Variants in NXN observed in about 807,000 individuals in gnomAD.
The protein encoded by NXN is nucleoredoxin, also known as nucleoredoxin 1.
NXN carries 16 observed loss-of-function variants against 48.6 expected under a neutral mutation model. That is an observed-to-expected ratio of 0.33 (90% CI 0.22 to 0.50). The LOEUF is 0.50. Among genes scored for constraint, NXN ranks in the 20% least tolerant of loss-of-function variants. The pLI is 0.98. For synonymous variants in NXN, 281 were observed against 269.6 expected (o/e 1.04, Z -0.41); for missense variants, 492 against 605.5 (o/e 0.81, Z 1.97).
At chr17:955,765 G>C (rs1333210127) in intron 1 of NXN, among the ~76,000 whole-genome samples, 4 of 152,060 alleles carry the variant, frequency 2.6e-5, no homozygotes, top group Non-Finnish European at 5.9e-5. Context: ...AGCCGGGCGT[G>C]GTGGCGGGCG....
chr17:824,658 G>T (rs951830837), intron 2 of NXN, among the ~76,000 whole-genome samples: 2 of 152,168 alleles, frequency 1.3e-5, no homozygotes, highest in African/African-American at 4.8e-5. Flanking sequence ...ATGGGCTCAG[G>T]GAGCCAAGTG....
At chr17:955,416 C>T (rs187964168) in intron 1 of NXN, among the ~76,000 whole-genome samples, 169 of 151,032 alleles carry the variant, frequency 1.1e-3, no homozygotes, top group African/African-American at 3.8e-3. Flanking sequence ...GTGATCCACC[C>T]GCCTCGGCCT....
chr17:863,992 T>A, intron 1 of NXN: 9 of 1,535,310 alleles, frequency 5.9e-6, no homozygotes, highest in Non-Finnish European at 7.8e-6. Context: ...CATTGCTCAG[T>A]TTCGGTGAAA....
At chr17:880,139 A>G (rs894483664) in intron 1 of NXN, 2 of 152,124 alleles carry the variant, frequency 1.3e-5, no homozygotes, top group African/African-American at 4.8e-5. Flanking sequence ...CAGTGAAGGG[A>G]AAAAAGGTCT....
rs758707319 is a variant in NXN, at chr17:979,429, G to T, written c.250C>A (p.Arg84=). Residue 84 remains arginine (R), a synonymous_variant, in exon 1 of 8, where the codon CGG becomes AGG. Transcript: ENST00000336868. ...GACACGAAGACGATCTCCAGGCGCC[G>T]CCGCGGCTCGGGCTCCGCCGCCGCC... ...AGAAAEPEPR[R]RLEIVFVSSD... 1.5e-6 allele frequency: 2 copies of T among 1,327,512 alleles called. No homozygotes were observed. Among genetic ancestry groups the T allele is most frequent in the Non-Finnish European group, 2.0e-6 (2 of 1,025,214 alleles). 82.2% of individuals were successfully genotyped at this position (1,327,512 alleles called of 1,614,324 possible).
At chr17:826,247 C>T (rs1483314230) in intron 1 of NXN, among the ~76,000 whole-genome samples, 169 bp from the exon 2 acceptor site, 1 of 151,994 alleles carries the variant, frequency 6.6e-6, no homozygotes, top group East Asian at 1.9e-4. Flanking sequence ...ACGTTAACTA[C>T]AATCCCACTG....
intron 1 of NXN, among the ~76,000 whole-genome samples, chr17:852,081 C>T (rs538981240): frequency 6.6e-6 from 1 of 152,348 alleles, no homozygotes; most frequent in African/African-American, 2.4e-5. Flanking sequence ...CCAACGGAGG[C>T]AGCAGTGAGA....
intron 1 of NXN, among the ~76,000 whole-genome samples, chr17:913,807 T>A (rs2068659294): frequency 6.6e-6 from 1 of 152,244 alleles, no homozygotes; most frequent in Admixed American, 6.5e-5. Context: ...CCTTTCCATC[T>A]ACACTGGCAT....
intron 1 of NXN, 49 bp downstream of exon 1, chr17:979,270 T>TAACGGGCGTGGGGGGCGGGCAGGGGG (rs1567531032): frequency 3.3e-6 from 3 of 900,084 alleles, no homozygotes; most frequent in South Asian, 2.6e-5. Flanking sequence ...CGGGCAGGGG[T>TAACGGGCGTGGGGGGCGGGCAGGGGG]AACGGGCGTG....
intron 5 of NXN, among the ~76,000 whole-genome samples, chr17:807,794 G>A (rs563003876): frequency 2.0e-4 from 31 of 152,388 alleles, no homozygotes; most frequent in Non-Finnish European, 3.8e-4. Context: ...TGGTCCTGAC[G>A]AGCTTGGCCT....
chr17:925,526 T>C (rs558379588), intron 1 of NXN, among the ~76,000 whole-genome samples: 3 of 152,302 alleles, frequency 2.0e-5, no homozygotes, highest in Admixed American at 1.3e-4. Flanking sequence ...GTAGCTGGGA[T>C]TACAGGCGCC....
At chr17:888,269 A>C (rs1356011822) in intron 1 of NXN, among the ~76,000 whole-genome samples, 1 of 152,184 alleles carries the variant, frequency 6.6e-6, no homozygotes, top group African/African-American at 2.4e-5. Flanking sequence ...CTCAGGCTGG[A>C]GTGCAGGGGT....
chr17:828,421 T>TTA (rs1913256449), intron 1 of NXN, among the ~76,000 whole-genome samples: 1 of 118,510 alleles, frequency 8.4e-6, no homozygotes, highest in Non-Finnish European at 1.8e-5. Context: ...TTTTTTTTTT[T>TTA]AATGGAGTCT....
chr17:876,641 C>T (rs547490817), intron 1 of NXN, among the ~76,000 whole-genome samples: 10 of 152,274 alleles, frequency 6.6e-5, no homozygotes, highest in Middle Eastern at 3.4e-3. Flanking sequence ...TAGTGTCGTT[C>T]GCTGATAATT....
intron 1 of NXN, among the ~76,000 whole-genome samples, chr17:856,615 C>G (rs1233656743): frequency 6.6e-6 from 1 of 151,704 alleles, no homozygotes; most frequent in East Asian, 1.9e-4. Flanking sequence ...CTCAGCCTCC[C>G]GAGTAGCTGG....
chr17:953,995 A>G (rs2150620965), intron 1 of NXN, among the ~76,000 whole-genome samples: 1 of 152,170 alleles, frequency 6.6e-6, no homozygotes, highest in Non-Finnish European at 1.5e-5. Context: ...GCAAAGTGCA[A>G]CTCTCAACTC....
intron 1 of NXN, among the ~76,000 whole-genome samples, chr17:885,037 T>G (rs1321378802): frequency 6.6e-6 from 1 of 152,152 alleles, no homozygotes; most frequent in African/African-American, 2.4e-5. Context: ...GAGGGACATC[T>G]AAGACCAAGC....
At chr17:826,446 G>C (rs1913108636) in intron 1 of NXN, among the ~76,000 whole-genome samples, 1 of 152,180 alleles carries the variant, frequency 6.6e-6, no homozygotes, top group Non-Finnish European at 1.5e-5. Context: ...ATCCTGGAGA[G>C]TACTACCCTT....
At chr17:855,822 A>G (rs549149970) in intron 1 of NXN, among the ~76,000 whole-genome samples, 2 of 152,306 alleles carry the variant, frequency 1.3e-5, no homozygotes, top group East Asian at 3.9e-4. Context: ...CAGGGAACTC[A>G]ATCAAAACCA....
Sources: gnomAD v4.1 joint callset for allele counts (sites outside exome capture counted in the v4.1 genomes callset) on GRCh38, gnomAD v4.1.1 for gene constraint, MANE v1.5 for transcripts, NCBI Gene and HGNC (gene_info 2026-07-23, HGNC 2026-07-21) for gene names.